Variants in TMCC2 observed in about 807,000 individuals in gnomAD.
The protein encoded by TMCC2 is transmembrane and coiled-coil domain family 2.
Under a neutral mutation model 49.4 loss-of-function variants are expected in TMCC2, and 16 were observed. The ratio of observed to expected loss-of-function variants is 0.32; its 90% confidence interval spans 0.22 to 0.49. TMCC2 has a LOEUF of 0.49. Among genes scored for constraint, TMCC2 ranks in the 20% least tolerant of loss-of-function variants. TMCC2 has a pLI of 0.99. For missense variants in TMCC2, 762 were observed against 989.8 expected (o/e 0.77, Z 3.09); for synonymous variants, 397 against 434.1 (o/e 0.91, Z 1.06).
At chr1:205,254,343 A>AG (rs1660779527) in intron 2 of TMCC2, among the ~76,000 whole-genome samples, 1 of 152,186 alleles carries the variant, frequency 6.6e-6, no homozygotes, top group African/African-American at 2.4e-5. Context: ...GACTTGACCA[A>AG]GGTCACTTAG....
intron 1 of TMCC2, among the ~76,000 whole-genome samples, chr1:205,234,655 G>T (rs1659960519): frequency 6.6e-6 from 1 of 151,694 alleles, no homozygotes; most frequent in Non-Finnish European, 1.5e-5. Flanking sequence ...GCAAGAGGTG[G>T]GTTTAGAGCA....
chr1:205,243,787 G>A (rs915565813), intron 2 of TMCC2, among the ~76,000 whole-genome samples: 2 of 152,166 alleles, frequency 1.3e-5, no homozygotes, highest in Non-Finnish European at 2.9e-5. Context: ...GTAGGGGCCT[G>A]GGCCAGGGCC....
intron 2 of TMCC2, among the ~76,000 whole-genome samples, chr1:205,256,598 A>G (rs1384914555): frequency 6.6e-6 from 1 of 152,212 alleles, no homozygotes; most frequent in Admixed American, 6.5e-5. Flanking sequence ...AGCTTCCTCC[A>G]GGTGGTTATT....
intron 2 of TMCC2, among the ~76,000 whole-genome samples, chr1:205,250,385 A>C (rs1660620012): frequency 6.6e-6 from 1 of 152,052 alleles, no homozygotes. Flanking sequence ...TACTAAAAAT[A>C]CAAAAACTAG....
intron 3 of TMCC2, 87 bp downstream of exon 3, chr1:205,269,971 C>A: frequency 1.5e-6 from 2 of 1,345,326 alleles, no homozygotes; most frequent in Non-Finnish European, 2.0e-6. Flanking sequence ...GGTGTGGAGG[C>A]AGTCAGAGGA....
At chr1:205,259,262 A>G (rs1422587958) in intron 2 of TMCC2, among the ~76,000 whole-genome samples, 2 of 151,188 alleles carry the variant, frequency 1.3e-5, no homozygotes, top group African/African-American at 4.9e-5. Context: ...GGCTAACATG[A>G]GAAGGCCCCT....
intron 2 of TMCC2, among the ~76,000 whole-genome samples, chr1:205,247,588 C>T (rs1660501211): frequency 6.6e-6 from 1 of 152,168 alleles, no homozygotes; most frequent in East Asian, 1.9e-4. Context: ...AGCTGACTCC[C>T]CCAGACCCAG....
chr1:205,246,595 T>C, intron 2 of TMCC2: 1 of 1,549,958 alleles, frequency 6.5e-7, no homozygotes, highest in Non-Finnish European at 8.7e-7. Context: ...CTTTGTGAAA[T>C]TGAGAGCTGG....
chr1:205,235,033 G>A (rs1659978966), intron 1 of TMCC2, among the ~76,000 whole-genome samples: 2 of 152,214 alleles, frequency 1.3e-5, no homozygotes, highest in Admixed American at 1.3e-4. Context: ...AATGGGGGAA[G>A]TGAGGTAGCA....
intron 1 of TMCC2, among the ~76,000 whole-genome samples, chr1:205,237,365 G>A (rs1203044785): frequency 6.6e-6 from 1 of 152,178 alleles, no homozygotes; most frequent in African/African-American, 2.4e-5. Flanking sequence ...GAGGAATGTT[G>A]GCGACCTAGG....
intron 2 of TMCC2, among the ~76,000 whole-genome samples, chr1:205,267,126 T>G (rs1466351776): frequency 6.6e-6 from 1 of 151,898 alleles, no homozygotes; most frequent in East Asian, 1.9e-4. Flanking sequence ...AAAGCAAACA[T>G]AAGAGGGAAG....
intron 1 of TMCC2, 97 bp downstream of exon 1, chr1:205,228,868 G>T: frequency 6.8e-7 from 1 of 1,468,228 alleles, no homozygotes; most frequent in Admixed American, 2.3e-5. Flanking sequence ...GAGGGGGGAA[G>T]CCAGGCAAAG....
chr1:205,263,116 C>G (rs368235027), intron 2 of TMCC2, among the ~76,000 whole-genome samples: 5 of 152,182 alleles, frequency 3.3e-5, no homozygotes, highest in African/African-American at 1.2e-4. Flanking sequence ...CTCTCTTGTT[C>G]TGAGGTTTGC....
intron 2 of TMCC2, among the ~76,000 whole-genome samples, chr1:205,249,101 C>T (rs949371133): frequency 1.3e-5 from 2 of 152,272 alleles, no homozygotes; most frequent in South Asian, 2.1e-4. Flanking sequence ...GGGCCAAGAT[C>T]TCCCCAGTCG....
At position 205,272,217 on chromosome 1, in the gene TMCC2, G is replaced by T; in HGVS notation, c.*93G>T. 1 of 1,516,364 alleles carries T rather than the reference G, an allele frequency of 6.6e-7. No individual in the cohort carries two copies. Among genetic ancestry groups the T allele is most frequent in the Non-Finnish European group, 8.8e-7 (1 of 1,132,234 alleles). The allele number at this position is 1,516,364 out of a possible 1,614,324, so 93.9% of individuals were successfully genotyped here. A position where few individuals can be genotyped will look rare whatever the true frequency, so the allele number is the denominator to read the frequency against. Reference sequence around the variant, plus strand: ...TGGACTTCTTTGTGTGTCCAGTTTGGCCTCCTGCCCAAACTGTCCATTCCA... The same window carrying T: ...TGGACTTCTTTGTGTGTCCAGTTTGTCCTCCTGCCCAAACTGTCCATTCCA... On this transcript the variant is annotated 3_prime_UTR_variant, in exon 5 of 5. Transcript: ENST00000358024.
Position 205,269,542 on chromosome 1 carries a change from A to AC in TMCC2, c.1345dup (p.Leu449ProfsTer7). ...GCTGACAACATCGCCCACCTGAAGG[A>AC]CCCCCTGGAAGATGGGCCCCCTGAG... On this transcript the variant is annotated frameshift_variant, in exon 3 of 5. Coordinates refer to ENST00000358024, the MANE Select transcript of TMCC2 (RefSeq NM_014858.4). LOFTEE classifies it high-confidence loss of function. 1 of 1,613,328 alleles carries AC rather than the reference A, an allele frequency of 6.2e-7. No individual in the cohort carries two copies. Among genetic ancestry groups the AC allele is most frequent in the Non-Finnish European group, 8.5e-7 (1 of 1,179,700 alleles).
At chr1:205,254,723 C>G (rs2102576231) in intron 2 of TMCC2, among the ~76,000 whole-genome samples, 1 of 152,236 alleles carries the variant, frequency 6.6e-6, no homozygotes, top group South Asian at 2.1e-4. Context: ...CTCCCCAGTT[C>G]ATTCTGGTGG....
At chr1:205,267,813 G>A in intron 2 of TMCC2, 1 of 934,922 alleles carries the variant, frequency 1.1e-6, no homozygotes. Flanking sequence ...GGAGTGAAGG[G>A]GGCTGTCATT....
At chr1:205,266,197 C>T (rs1661319711) in intron 2 of TMCC2, among the ~76,000 whole-genome samples, 1 of 147,858 alleles carries the variant, frequency 6.8e-6, no homozygotes, top group Non-Finnish European at 1.5e-5. Context: ...GCCAAGATTG[C>T]GCCACTGCAC....
Sources: gnomAD v4.1 joint callset for allele counts (sites outside exome capture counted in the v4.1 genomes callset) on GRCh38, gnomAD v4.1.1 for gene constraint, MANE v1.5 for transcripts, NCBI Gene and HGNC (gene_info 2026-07-23, HGNC 2026-07-21) for gene names.